Variants in NIPAL2 observed in about 807,000 individuals in gnomAD.
The protein encoded by NIPAL2 is NIPA like domain containing 2.
A neutral mutation model predicts 48.9 loss-of-function variants in NIPAL2; 43 were observed. The ratio of observed to expected loss-of-function variants is 0.88; its 90% confidence interval spans 0.69 to 1.13. NIPAL2 has a LOEUF of 1.13. NIPAL2 is among the 50% of genes most tolerant of loss of function. The probability of loss-of-function intolerance (pLI) is 0.00; values close to 1 mark genes in which losing one functional copy is unlikely to be tolerated. For synonymous variants in NIPAL2, 167 were observed against 174.6 expected, an observed-to-expected ratio of 0.96 and a Z score of 0.34; for missense variants, 446 against 461.4, an observed-to-expected ratio of 0.97 and a Z score of 0.31.
chr8:98,195,435 C>T (rs1810496089), intron 9 of NIPAL2, among the ~76,000 whole-genome samples: 1 of 152,156 alleles, frequency 6.6e-6, no homozygotes, highest in Non-Finnish European at 1.5e-5. Context: ...TCTCTGTTTG[C>T]AAGCAATGCT....
intron 4 of NIPAL2, among the ~76,000 whole-genome samples, chr8:98,232,732 A>G (rs1354878814): frequency 2.1e-5 from 3 of 142,806 alleles, no homozygotes; most frequent in African/African-American, 7.9e-5. Context: ...GCTTTCTGAT[A>G]CTAAAGACTC....
intron 6 of NIPAL2, among the ~76,000 whole-genome samples, chr8:98,206,557 C>T (rs1019833728): frequency 1.3e-4 from 19 of 151,884 alleles, no homozygotes; most frequent in African/African-American, 2.7e-4. Flanking sequence ...GAGGCCAAGG[C>T]GGGCGGATCA....
intron 3 of NIPAL2, 47 bp downstream of exon 3, chr8:98,252,416 T>C: frequency 2.0e-6 from 3 of 1,484,432 alleles, no homozygotes; most frequent in Non-Finnish European, 2.7e-6. Flanking sequence ...TTTCTCCGAT[T>C]ATTCTGCTCT....
chr8:98,202,790 A>C (rs567742390), intron 8 of NIPAL2, among the ~76,000 whole-genome samples: 7 of 152,162 alleles, frequency 4.6e-5, no homozygotes, highest in Non-Finnish European at 1.0e-4. Flanking sequence ...CAAGGGAAAG[A>C]CTCCAACAAG....
intron 1 of NIPAL2, among the ~76,000 whole-genome samples, chr8:98,260,590 C>A (rs1814247798): frequency 6.6e-6 from 1 of 152,210 alleles, no homozygotes; most frequent in Non-Finnish European, 1.5e-5. Context: ...AAACGGCGCA[C>A]CACGAGATTA....
chr8:98,237,042 C>G (rs1037116372), intron 3 of NIPAL2, among the ~76,000 whole-genome samples: 1 of 151,848 alleles, frequency 6.6e-6, no homozygotes, highest in East Asian at 1.9e-4. Context: ...GTCACTGGGT[C>G]TAAATCTATA....
intron 1 of NIPAL2, among the ~76,000 whole-genome samples, chr8:98,277,302 G>A (rs1310958091): frequency 6.6e-6 from 1 of 152,124 alleles, no homozygotes; most frequent in Non-Finnish European, 1.5e-5. Context: ...GCTGTGGTGG[G>A]TGGATCACTT....
intron 1 of NIPAL2, among the ~76,000 whole-genome samples, chr8:98,264,142 A>C (rs1814549752): frequency 6.6e-6 from 1 of 151,794 alleles, no homozygotes; most frequent in Non-Finnish European, 1.5e-5. Context: ...AAATAATAAG[A>C]GCTATCTATG....
At chr8:98,254,397 T>C (rs1165214260) in intron 1 of NIPAL2, among the ~76,000 whole-genome samples, 1 of 152,206 alleles carries the variant, frequency 6.6e-6, no homozygotes, top group Admixed American at 6.5e-5. Context: ...TTCTTACGTA[T>C]CCTTTCTTTT....
At position 98,254,075 on chromosome 8, in the gene NIPAL2, CA is replaced by C; in HGVS notation, c.147del (p.Phe49LeufsTer8). 6.2e-7 allele frequency: 1 copy of C among 1,609,820 alleles called. No individual in the cohort carries two copies. The highest frequency in any genetic ancestry group is 8.5e-7 in the Non-Finnish European group (1 of 1,177,570). On this transcript the variant is annotated frameshift_variant, in exon 2 of 11. Coordinates refer to ENST00000430223, the MANE Select transcript of NIPAL2 (RefSeq NM_001321635.2). LOFTEE classifies it high-confidence loss of function. ...DWYRRNQIHL[F>X]GVLLAILGNL... Reference sequence around the variant, plus strand: ...TTTCCTAAAATAGCCAGCAAAACTCCAAAAAGGTGAATCTGTAAAAGAAAAT... The same window carrying C: ...TTTCCTAAAATAGCCAGCAAAACTCCAAAAGGTGAATCTGTAAAAGAAAAT...
intron 4 of NIPAL2, among the ~76,000 whole-genome samples, chr8:98,231,577 A>G (rs1032942147): frequency 1.3e-5 from 2 of 152,218 alleles, no homozygotes; most frequent in Non-Finnish European, 2.9e-5. Context: ...TATAGTTTTC[A>G]GCCGATTGAA....
intron 1 of NIPAL2, among the ~76,000 whole-genome samples, chr8:98,289,857 G>C (rs974807718): frequency 6.6e-6 from 1 of 152,060 alleles, no homozygotes; most frequent in African/African-American, 2.4e-5. Context: ...TTTCTTTAAG[G>C]GATAGTCATA....
intron 9 of NIPAL2, 157 bp downstream of exon 9, chr8:98,195,785 T>G (rs1810514152): frequency 5.5e-6 from 3 of 548,086 alleles, no homozygotes; most frequent in Non-Finnish European, 6.6e-6. Context: ...GAGCCCTGTT[T>G]AGGGCCTTAA....
At chr8:98,254,908 G>T (rs1305862876) in intron 1 of NIPAL2, among the ~76,000 whole-genome samples, 1 of 152,162 alleles carries the variant, frequency 6.6e-6, no homozygotes, top group Non-Finnish European at 1.5e-5. Context: ...GCCTGCAGAG[G>T]TACATCTCCT....
intron 1 of NIPAL2, among the ~76,000 whole-genome samples, chr8:98,289,830 A>C (rs1290698386): frequency 6.6e-6 from 1 of 152,238 alleles, no homozygotes; most frequent in African/African-American, 2.4e-5. Flanking sequence ...TGATTATTTG[A>C]AAGTTTTGCA....
At chr8:98,282,506 G>A (rs1253546064) in intron 1 of NIPAL2, among the ~76,000 whole-genome samples, 1 of 151,952 alleles carries the variant, frequency 6.6e-6, no homozygotes, top group South Asian at 2.1e-4. Flanking sequence ...ATTAAAACAG[G>A]GTCCTAAAGA....
chr8:98,190,882 G>A lies in NIPAL2; in HGVS notation c.*2096C>T, dbSNP rs1810279681. 1 of 152,202 alleles carries A rather than the reference G, an allele frequency of 6.6e-6. No homozygotes were observed. Among genetic ancestry groups the A allele is most frequent in the Non-Finnish European group, 1.5e-5 (1 of 68,040 alleles). 9.4% of individuals were successfully genotyped at this position (152,202 alleles called of 1,614,324 possible). On this transcript the variant is annotated 3_prime_UTR_variant, in exon 11 of 11. Transcript: ENST00000430223. ...CTCACAATGCCAAGAGAAGGACTGA[G>A]TTGGCTTTAGTTGTTGTCATGCACT...
At chr8:98,217,103 C>T in intron 5 of NIPAL2, 1 of 985,450 alleles carries the variant, frequency 1.0e-6, no homozygotes, top group Non-Finnish European at 1.2e-6. Context: ...TGCCCATCTG[C>T]AGCAGACAGG....
chr8:98,198,594 T>C (rs1032587236), intron 8 of NIPAL2, among the ~76,000 whole-genome samples: 2 of 152,240 alleles, frequency 1.3e-5, no homozygotes, highest in Non-Finnish European at 2.9e-5. Flanking sequence ...TCATCAATGA[T>C]CTTAGCTAGA....
Sources: gnomAD v4.1 joint callset for allele counts (sites outside exome capture counted in the v4.1 genomes callset) on GRCh38, gnomAD v4.1.1 for gene constraint, MANE v1.5 for transcripts, NCBI Gene and HGNC (gene_info 2026-07-23, HGNC 2026-07-21) for gene names.